The following CBL variants were observed in gnomAD, a reference collection of about 807,000 sequenced individuals.
CBL encodes the protein E3 ubiquitin-protein ligase CBL.
Under a neutral mutation model 96.9 loss-of-function variants are expected in CBL, and 45 were observed. The ratio of observed to expected loss-of-function variants is 0.46; its 90% confidence interval spans 0.37 to 0.60. The LOEUF (loss-of-function observed/expected upper bound fraction) is 0.60, where lower values mean the gene tolerates loss of function less well. Among genes scored for constraint, CBL ranks in the 20% least tolerant of loss-of-function variants. The pLI, the probability that CBL is intolerant of heterozygous loss-of-function variation, is 0.00. For synonymous variants in CBL, 420 were observed against 426.8 expected (o/e 0.98, Z 0.20); for missense variants, 1,024 against 1,143.5 (o/e 0.90, Z 1.51).
chr11:119,226,874 A>G (rs1949463644), intron 1 of CBL, among the ~76,000 whole-genome samples: 1 of 152,196 alleles, frequency 6.6e-6, no homozygotes, highest in African/African-American at 2.4e-5. Flanking sequence ...AGGCTTTAGC[A>G]TAATGTCTCT....
At chr11:119,267,160 A>G (rs528830199) in intron 2 of CBL, among the ~76,000 whole-genome samples, 31 of 152,314 alleles carry the variant, frequency 2.0e-4, no homozygotes, top group Admixed American at 1.8e-3. Flanking sequence ...TCCTTTTAAG[A>G]AGTATGATGC....
intron 2 of CBL, among the ~76,000 whole-genome samples, chr11:119,243,767 C>A (rs1166764347): frequency 1.3e-5 from 2 of 151,692 alleles, no homozygotes; most frequent in East Asian, 1.9e-4. Flanking sequence ...GGTCTCTTGT[C>A]ACCCAGGCAG....
intron 1 of CBL, among the ~76,000 whole-genome samples, chr11:119,207,933 T>C (rs1269199852): frequency 1.3e-5 from 2 of 152,216 alleles, no homozygotes; most frequent in Admixed American, 1.3e-4. Flanking sequence ...GCAATTTAAA[T>C]GCTTAATAAG....
chr11:119,228,344 A>G (rs1009729845), intron 1 of CBL, among the ~76,000 whole-genome samples: 1 of 152,074 alleles, frequency 6.6e-6, no homozygotes, highest in African/African-American at 2.4e-5. Context: ...AATTTTTTAG[A>G]AATAGACACA....
intron 2 of CBL, among the ~76,000 whole-genome samples, chr11:119,262,801 T>C (rs1047481043): frequency 2.6e-5 from 4 of 151,964 alleles, no homozygotes; most frequent in Non-Finnish European, 4.4e-5. Flanking sequence ...AAGCTGAGAG[T>C]AGACGTTAAA....
At chr11:119,260,098 C>T (rs1949743050) in intron 2 of CBL, among the ~76,000 whole-genome samples, 2 of 152,190 alleles carry the variant, frequency 1.3e-5, no homozygotes, top group African/African-American at 2.4e-5. Context: ...CTCAAAATAC[C>T]TGAACACTGA....
intron 2 of CBL, among the ~76,000 whole-genome samples, chr11:119,265,545 G>A (rs930007872): frequency 6.6e-6 from 1 of 152,162 alleles, no homozygotes; most frequent in African/African-American, 2.4e-5. Context: ...GAGCCCAGGA[G>A]TTGGAGACCA....
At chr11:119,250,643 C>G (rs1949663750) in intron 2 of CBL, among the ~76,000 whole-genome samples, 1 of 152,160 alleles carries the variant, frequency 6.6e-6, no homozygotes, top group Non-Finnish European at 1.5e-5. Context: ...TCCGCTATTG[C>G]CTGGTGTCCA....
At chr11:119,225,637 G>A (rs1355316614) in intron 1 of CBL, among the ~76,000 whole-genome samples, 1 of 151,646 alleles carries the variant, frequency 6.6e-6, no homozygotes, top group Non-Finnish European at 1.5e-5. Context: ...AGGCTCAAGC[G>A]ATCTGCCCAC....
intron 2 of CBL, among the ~76,000 whole-genome samples, chr11:119,258,247 A>G (rs1367297121): frequency 6.6e-6 from 1 of 152,192 alleles, no homozygotes; most frequent in Non-Finnish European, 1.5e-5. Context: ...AACAAAACAA[A>G]AAACAAAAAG....
At chr11:119,206,651 C>T (rs1374527151) in intron 1 of CBL, 39 bp downstream of exon 1, 3 of 1,363,858 alleles carry the variant, frequency 2.2e-6, no homozygotes, top group Non-Finnish European at 2.9e-6. Context: ...GCAGGGTGGG[C>T]GTGGGCGGAG....
chr11:119,219,829 G>A (rs1379519341), intron 1 of CBL, among the ~76,000 whole-genome samples: 4 of 150,828 alleles, frequency 2.7e-5, no homozygotes, highest in Non-Finnish European at 5.9e-5. Flanking sequence ...GATTATAGGT[G>A]GGCACCACCA....
Position 119,301,882 on chromosome 11 carries a change from G to C in CBL, c.*2101G>C. The C allele has an allele frequency of 4.3e-6, 1 of 232,952 alleles. No homozygotes were observed. Among genetic ancestry groups the C allele is most frequent in the East Asian group, 6.0e-5 (1 of 16,604 alleles). 14.4% of individuals were successfully genotyped at this position (232,952 alleles called of 1,614,324 possible). A position where few individuals can be genotyped will look rare whatever the true frequency, so the allele number is the denominator to read the frequency against. ...TTTTGCATTTTGTTTAAATATTGAA[G>C]GCCTAGACAAAGAACTAGAAAAAAA... On this transcript the variant is annotated 3_prime_UTR_variant, in exon 16 of 16. Coordinates refer to ENST00000264033, the MANE Select transcript of CBL (RefSeq NM_005188.4).
rs398017760 is a variant in CBL at position 119,283,625 on chromosome 11, C to CTTTTTTTTTTTTTTTTTTTTTTTTTTTT, written c.1432-1341_1432-1314dup. ...AAATATTAATCCTTTTTAATTCTTT[C>CTTTTTTTTTTTTTTTTTTTTTTTTTTTT]TTTTTTTTTTTTTTTTTTTTTTTTT... On this transcript the variant is annotated intron_variant, in intron 9 of 15. Coordinates refer to ENST00000264033, the MANE Select transcript of CBL (RefSeq NM_005188.4). Among the ~76,000 whole-genome samples, 20 of 45,526 alleles carry CTTTTTTTTTTTTTTTTTTTTTTTTTTTT rather than the reference C, an allele frequency of 4.4e-4. 2 individuals are homozygous for CTTTTTTTTTTTTTTTTTTTTTTTTTTTT. The highest frequency in any genetic ancestry group is 6.5e-4 in the Non-Finnish European group (16 of 24,532). 29.9% of individuals were successfully genotyped at this position (45,526 alleles called of 152,430 possible). A position where few individuals can be genotyped will look rare whatever the true frequency, so the allele number is the denominator to read the frequency against.
intron 2 of CBL, among the ~76,000 whole-genome samples, chr11:119,260,484 A>G (rs766693850): frequency 1.3e-5 from 2 of 151,888 alleles, no homozygotes; most frequent in Non-Finnish European, 2.9e-5. Flanking sequence ...TTATGCCTAA[A>G]TTGTCTCATC....
intron 9 of CBL, among the ~76,000 whole-genome samples, chr11:119,282,650 G>T (rs1299993458): frequency 6.6e-6 from 1 of 152,150 alleles, no homozygotes; most frequent in Non-Finnish European, 1.5e-5. Flanking sequence ...GGGCAGGAGG[G>T]TGAGATTTTG....
intron 2 of CBL, among the ~76,000 whole-genome samples, chr11:119,244,581 A>ATTTTTTTTTT (rs532837579): frequency 0.048 from 5,011 of 103,982 alleles, 596 homozygotes; most frequent in African/African-American, 0.14. Context: ...TGCCCGGCTA[A>ATTTTTTTTTT]TTTTTTTTTT....
chr11:119,213,665 G>A (rs1268929201), intron 1 of CBL, among the ~76,000 whole-genome samples: 10 of 151,800 alleles, frequency 6.6e-5, no homozygotes, highest in African/African-American at 2.2e-4. Flanking sequence ...CTTGGAAGAG[G>A]GCCAAGCGGG....
intron 2 of CBL, among the ~76,000 whole-genome samples, chr11:119,264,654 G>GT (rs901560971): frequency 5.5e-4 from 82 of 148,826 alleles, no homozygotes; most frequent in South Asian, 2.2e-3. Flanking sequence ...GCTGATTTTT[G>GT]TTTTTTTTGT....
Sources: allele counts gnomAD v4.1 joint callset (sites outside exome capture counted in the v4.1 genomes callset), GRCh38; gene constraint gnomAD v4.1.1; transcripts MANE v1.5; gene names NCBI Gene and HGNC (gene_info 2026-07-23, HGNC 2026-07-21).